The following CRACD variants were observed in gnomAD, a reference collection of about 807,000 sequenced individuals.
CRACD encodes the protein capping protein-inhibiting regulator of actin dynamics.
Under a neutral mutation model 106.8 loss-of-function variants are expected in CRACD, and 56 were observed. The ratio of observed to expected loss-of-function variants is 0.52; its 90% CI spans 0.42 to 0.66. CRACD has a LOEUF of 0.66. CRACD is among the 30% of genes least tolerant of loss of function. CRACD has a pLI of 0.00. For missense variants in CRACD, 1,730 were observed against 1,623.2 expected, an observed-to-expected ratio of 1.07 and a Z score of -1.13; for synonymous variants, 754 against 670.8, an observed-to-expected ratio of 1.12 and a Z score of -1.92.
chr4:56,286,447 A>G lies in CRACD; in HGVS notation c.-16-11767A>G, dbSNP rs528515912. Among the ~76,000 whole-genome samples, 6 of 144,182 alleles carry G rather than the reference A, an allele frequency of 4.2e-5. No individual in the cohort carries two copies. The East Asian group carries it at 1.3e-3, about 31-fold the overall frequency. 94.6% of individuals were successfully genotyped at this position (144,182 alleles called of 152,430 possible). A position where few individuals can be genotyped will look rare whatever the true frequency, so the allele number is the denominator to read the frequency against. ...AGGCCGAGGCAGGAGAATGGCATGAACCCGGGAGGCAGAGCTTACAGTGAG... is the reference window on the plus strand; with the variant it reads ...AGGCCGAGGCAGGAGAATGGCATGAGCCCGGGAGGCAGAGCTTACAGTGAG... On this transcript the variant is annotated intron_variant, in intron 3 of 10. Coordinates refer to ENST00000682029, the MANE Select transcript of CRACD (RefSeq NM_001393381.1).
chr4:56,298,049 C>A, intron 3 of CRACD, 165 bp from the exon 4 acceptor site: 1 of 662,420 alleles, frequency 1.5e-6, no homozygotes, highest in South Asian at 2.1e-5. Flanking sequence ...TTTTGTCTAC[C>A]CAGCTCCTTG....
intron 1 of CRACD, among the ~76,000 whole-genome samples, chr4:56,062,390 A>T (rs1732307374): frequency 6.6e-6 from 1 of 152,174 alleles, no homozygotes; most frequent in Admixed American, 6.5e-5. Flanking sequence ...ATTCTTGTTG[A>T]ATTAAGTGGA....
At chr4:56,262,791 A>T (rs1322914451) in intron 2 of CRACD, among the ~76,000 whole-genome samples, 1 of 152,228 alleles carries the variant, frequency 6.6e-6, no homozygotes, top group African/African-American at 2.4e-5. Context: ...TAAGTTTAGC[A>T]CAAATTCATT....
chr4:56,306,630 A>G (rs915143548), intron 4 of CRACD, among the ~76,000 whole-genome samples: 2 of 152,264 alleles, frequency 1.3e-5, no homozygotes, highest in Non-Finnish European at 2.9e-5. Flanking sequence ...AGTGGTTCTC[A>G]GCTGGGGGCA....
At chr4:56,154,882 A>G (rs956328187) in intron 1 of CRACD, among the ~76,000 whole-genome samples, 1 of 152,196 alleles carries the variant, frequency 6.6e-6, no homozygotes, top group African/African-American at 2.4e-5. Context: ...TCTATGAGGT[A>G]TTTGACCAAA....
At chr4:56,306,330 C>CA (rs1744692491) in intron 4 of CRACD, among the ~76,000 whole-genome samples, 1 of 151,862 alleles carries the variant, frequency 6.6e-6, no homozygotes, top group African/African-American at 2.4e-5. Context: ...CCCATCTCTA[C>CA]AAAAAATACA....
chr4:56,244,399 C>G (rs1284221792), intron 2 of CRACD, among the ~76,000 whole-genome samples: 2 of 152,108 alleles, frequency 1.3e-5, no homozygotes, highest in Non-Finnish European at 2.9e-5. Context: ...TAAAGTGTTA[C>G]ACATTTAGGA....
At chr4:56,294,972 A>C (rs1743923246) in intron 3 of CRACD, among the ~76,000 whole-genome samples, 3 of 151,352 alleles carry the variant, frequency 2.0e-5, no homozygotes, top group Non-Finnish European at 4.4e-5. Context: ...AAAGAAAGAA[A>C]AAAACCCAGA....
chr4:56,209,966 G>A (rs1182082890), intron 2 of CRACD, among the ~76,000 whole-genome samples: 1 of 152,124 alleles, frequency 6.6e-6, no homozygotes, highest in Non-Finnish European at 1.5e-5. Context: ...GAGCTGTGAG[G>A]TCGATGCCCT....
chr4:56,284,292 T>TA (rs59270238), intron 3 of CRACD, among the ~76,000 whole-genome samples: 867 of 45,458 alleles, frequency 0.019, 105 homozygotes, highest in African/African-American at 0.045. Flanking sequence ...CATCCTAAAG[T>TA]AAAAAAAAAA....
intron 3 of CRACD, among the ~76,000 whole-genome samples, chr4:56,290,589 A>C (rs1577865103): frequency 1.3e-5 from 2 of 152,214 alleles, no homozygotes; most frequent in Non-Finnish European, 2.9e-5. Context: ...TAGAGGGGCA[A>C]GTCCAAAAGC....
At chr4:56,325,439 C>T (rs749772802) in intron 10 of CRACD, among the ~76,000 whole-genome samples, 9 of 152,208 alleles carry the variant, frequency 5.9e-5, no homozygotes, top group Non-Finnish European at 7.3e-5. Context: ...GATGGTGACA[C>T]GTGGCTCAGA....
intron 3 of CRACD, among the ~76,000 whole-genome samples, chr4:56,287,099 GTAC>G (rs1270050521): frequency 6.6e-6 from 1 of 152,112 alleles, no homozygotes; most frequent in Non-Finnish European, 1.5e-5. Context: ...GAGCCTGACA[GTAC>G]TATGTTTTTA....
At chr4:56,261,700 C>T (rs969188377) in intron 2 of CRACD, among the ~76,000 whole-genome samples, 18 of 151,842 alleles carry the variant, frequency 1.2e-4, no homozygotes, top group Admixed American at 1.2e-3. Context: ...AACTGTGAAA[C>T]ATATATAAAA....
chr4:56,281,915 G>C (rs1450572608), intron 3 of CRACD, among the ~76,000 whole-genome samples: 1 of 152,108 alleles, frequency 6.6e-6, no homozygotes, highest in Non-Finnish European at 1.5e-5. Flanking sequence ...CCTCTTCCTT[G>C]AATTTGTATG....
intron 2 of CRACD, among the ~76,000 whole-genome samples, chr4:56,271,560 G>C (rs1742347048): frequency 2.0e-5 from 3 of 151,514 alleles, no homozygotes; most frequent in Non-Finnish European, 4.4e-5. Context: ...TATAGATAGA[G>C]ATAAAAATAT....
intron 2 of CRACD, among the ~76,000 whole-genome samples, chr4:56,192,037 C>T (rs1368311960): frequency 1.3e-5 from 2 of 152,096 alleles, no homozygotes; most frequent in African/African-American, 2.4e-5. Flanking sequence ...AAATATGAAC[C>T]TACTGTATAT....
At chr4:56,189,979 C>A (rs1229661803) in intron 2 of CRACD, among the ~76,000 whole-genome samples, 1 of 112,364 alleles carries the variant, frequency 8.9e-6, no homozygotes, top group Non-Finnish European at 1.8e-5. Context: ...CTCCCCCCAC[C>A]CCACAACAGT....
At chr4:56,327,602 C>T (rs1214403556) in intron 10 of CRACD, 42 bp from the exon 11 acceptor site, 2 of 1,577,224 alleles carry the variant, frequency 1.3e-6, no homozygotes, top group Non-Finnish European at 1.7e-6. Context: ...TGTAGTGTGG[C>T]TGTGAACTTA....
Sources: gnomAD v4.1 joint callset for allele counts (sites outside exome capture counted in the v4.1 genomes callset) on GRCh38, gnomAD v4.1.1 for gene constraint, MANE v1.5 for transcripts, NCBI Gene and HGNC (gene_info 2026-07-23, HGNC 2026-07-21) for gene names.